Variants in CNTLN observed in about 807,000 individuals in gnomAD.
CNTLN encodes the protein centlein, centrosomal protein.
A neutral mutation model predicts 180.0 loss-of-function variants in CNTLN; 212 were observed. The observed-to-expected ratio is 1.18, with a 90% CI of 1.05 to 1.32. The LOEUF is 1.32. CNTLN is among the 40% of genes most tolerant of loss of function. The pLI is 0.00. For missense variants in CNTLN, 2,095 were observed against 1,610.9 expected, an observed-to-expected ratio of 1.30 and a Z score of -5.14; for synonymous variants, 722 against 563.1, an observed-to-expected ratio of 1.28 and a Z score of -3.99.
At chr9:17,178,259 T>G (rs2131701373) in intron 2 of CNTLN, among the ~76,000 whole-genome samples, 1 of 151,894 alleles carries the variant, frequency 6.6e-6, no homozygotes, top group South Asian at 2.1e-4. Context: ...TGAGCTAGAT[T>G]CAGAGTGCTG....
intron 8 of CNTLN, among the ~76,000 whole-genome samples, chr9:17,323,637 C>A (rs1587656150): frequency 1.3e-5 from 2 of 152,316 alleles, no homozygotes; most frequent in East Asian, 3.9e-4. Flanking sequence ...AATTACTTTA[C>A]ATGGCGGATG....
At chr9:17,302,242 G>A (rs892716969) in intron 7 of CNTLN, among the ~76,000 whole-genome samples, 1 of 151,402 alleles carries the variant, frequency 6.6e-6, no homozygotes, top group Non-Finnish European at 1.5e-5. Context: ...TGTTGCCTAG[G>A]CTGGAGTGCA....
chr9:17,458,767 C>T (rs1831285244), intron 19 of CNTLN, among the ~76,000 whole-genome samples: 1 of 151,862 alleles, frequency 6.6e-6, no homozygotes, highest in Non-Finnish European at 1.5e-5. Flanking sequence ...TGAATACCAT[C>T]TTCTTTAGTC....
chr9:17,217,469 T>TTGTACCAACTGG (rs1823837980), intron 2 of CNTLN, among the ~76,000 whole-genome samples: 1 of 152,210 alleles, frequency 6.6e-6, no homozygotes, highest in African/African-American at 2.4e-5. Context: ...TCAGCTGGTG[T>TTGTACCAACTGG]TGTACCAACT....
chr9:17,247,108 T>C (rs1229122015), intron 5 of CNTLN, among the ~76,000 whole-genome samples: 1 of 152,166 alleles, frequency 6.6e-6, no homozygotes, highest in Non-Finnish European at 1.5e-5. Context: ...TGATGGGTGA[T>C]ACAAGTATTC....
At chr9:17,211,415 T>C (rs1823299646) in intron 2 of CNTLN, among the ~76,000 whole-genome samples, 1 of 151,866 alleles carries the variant, frequency 6.6e-6, no homozygotes, top group African/African-American at 2.4e-5. Flanking sequence ...ATTGGTGATA[T>C]CTCTGTTTTG....
chr9:17,430,097 C>A (rs140352821), intron 18 of CNTLN, among the ~76,000 whole-genome samples: 1 of 151,836 alleles, frequency 6.6e-6, no homozygotes, highest in Non-Finnish European at 1.5e-5. Context: ...TATTGACATC[C>A]GTACTTGTAT....
At chr9:17,154,809 G>A (rs977133539) in intron 2 of CNTLN, among the ~76,000 whole-genome samples, 7 of 152,180 alleles carry the variant, frequency 4.6e-5, no homozygotes, top group South Asian at 2.1e-4. Flanking sequence ...GGACGTGGGC[G>A]GGGCCAAATA....
In CNTLN at chr9:17,309,163, G is replaced by A. The variant is rs1818951913; in HGVS notation, c.1252G>A (p.Glu418Lys). ...GGATCAGCTATTACAAAAAGAGCAA[G>A]AAAATGCTAAGTTAAAAGAAAAACT... is the stretch of plus-strand genomic sequence containing the variant. ...LQDQLLQKEQ[E>K]NAKLKEKLQE... is the part of the protein sequence containing the mutation. Residue 418 changes from glutamate (E) to lysine (K), a missense_variant, in exon 8 of 26, where the codon GAA (glutamate) becomes AAA (lysine). Transcript: ENST00000380647. 6.2e-7 allele frequency: 1 copy of A among 1,610,420 alleles called. No individual in the cohort carries two copies. The highest frequency in any genetic ancestry group is 8.5e-7 in the Non-Finnish European group (1 of 1,177,840).
intron 6 of CNTLN, among the ~76,000 whole-genome samples, chr9:17,296,987 G>T (rs1224390327): frequency 2.6e-5 from 4 of 152,014 alleles, no homozygotes; most frequent in African/African-American, 9.7e-5. Context: ...AAAGTTATAG[G>T]TAAAAATAAG....
intron 1 of CNTLN, among the ~76,000 whole-genome samples, chr9:17,135,955 T>C (rs1817686881): frequency 6.6e-6 from 1 of 152,174 alleles, no homozygotes; most frequent in African/African-American, 2.4e-5. Context: ...GCCGGGAACT[T>C]AACAATAGAT....
chr9:17,396,601 G>A (rs1826545748), intron 15 of CNTLN, among the ~76,000 whole-genome samples: 1 of 152,080 alleles, frequency 6.6e-6, no homozygotes, highest in African/African-American at 2.4e-5. Flanking sequence ...CCTAATCACA[G>A]ACATAGAACT....
chr9:17,509,820 G>T, the CNTLN span, among the ~76,000 whole-genome samples: 2 of 152,110 alleles, frequency 1.3e-5, no homozygotes, highest in African/African-American at 4.8e-5. Flanking sequence ...TCCTATCCTA[G>T]AGGTCTTAGT....
intron 18 of CNTLN, chr9:17,448,327 A>G (rs1445382574): frequency 6.6e-6 from 1 of 152,416 alleles, no homozygotes; most frequent in Non-Finnish European, 1.5e-5. Context: ...TTTTAGCCTT[A>G]AAAACATCTC....
intron 12 of CNTLN, among the ~76,000 whole-genome samples, chr9:17,363,340 C>T (rs1479780315): frequency 1.3e-5 from 2 of 152,188 alleles, no homozygotes; most frequent in African/African-American, 4.8e-5. Flanking sequence ...TTTCCACCAG[C>T]AGTGTAAGAG....
At chr9:17,514,771 G>A in the CNTLN span, among the ~76,000 whole-genome samples, 1 of 152,166 alleles carries the variant, frequency 6.6e-6, no homozygotes, top group Admixed American at 6.5e-5. Context: ...GCATGCCACT[G>A]AGATTTTGTA....
chr9:17,323,101 T>G (rs1306898555), intron 8 of CNTLN, among the ~76,000 whole-genome samples: 1 of 152,206 alleles, frequency 6.6e-6, no homozygotes, highest in Non-Finnish European at 1.5e-5. Flanking sequence ...TGCCATATGC[T>G]TTAACTGTTC....
At chr9:17,430,842 G>A (rs1450605580) in intron 18 of CNTLN, among the ~76,000 whole-genome samples, 1 of 152,204 alleles carries the variant, frequency 6.6e-6, no homozygotes. Flanking sequence ...TTATCATAAT[G>A]TCCCTCAGTT....
chr9:17,385,618 G>A (rs1825628770), intron 13 of CNTLN, among the ~76,000 whole-genome samples: 1 of 151,964 alleles, frequency 6.6e-6, no homozygotes, highest in African/African-American at 2.4e-5. Flanking sequence ...CTGTATCCAC[G>A]GGTTCCACAT....
Sources: allele counts gnomAD v4.1 joint callset (sites outside exome capture counted in the v4.1 genomes callset), GRCh38; gene constraint gnomAD v4.1.1; transcripts MANE v1.5; gene names NCBI Gene and HGNC (gene_info 2026-07-23, HGNC 2026-07-21).